PPP6R2: variants seen among roughly 807,000 people sequenced by gnomAD.
PPP6R2 encodes the protein protein phosphatase 6 regulatory subunit 2.
Under a neutral mutation model 100.2 loss-of-function variants are expected in PPP6R2, and 62 were observed. The ratio of observed to expected loss-of-function variants is 0.62; its 90% CI spans 0.50 to 0.76. The LOEUF (loss-of-function observed/expected upper bound fraction) is 0.76. Among genes scored for constraint, PPP6R2 ranks in the 30% least tolerant of loss-of-function variants. The probability of loss-of-function intolerance (pLI) is 0.00; values close to 1 mark genes in which losing one functional copy is unlikely to be tolerated. For synonymous variants in PPP6R2, 525 were observed against 514.7 expected (o/e 1.02, Z -0.27); for missense variants, 1,142 against 1,276.3 (o/e 0.89, Z 1.60).
intron 2 of PPP6R2, among the ~76,000 whole-genome samples, chr22:50,391,042 T>A (rs1012345870): frequency 2.0e-5 from 3 of 150,678 alleles, no homozygotes; most frequent in Non-Finnish European, 4.4e-5. Context: ...ATGCAGTGGC[T>A]CACATCTGTA....
chr22:50,432,162 CAG>C (rs2063277375), intron 11 of PPP6R2, 101 bp from the exon 12 acceptor site: 1 of 1,074,426 alleles, frequency 9.3e-7, no homozygotes, highest in Admixed American at 2.1e-5. Flanking sequence ...AAAGTCCACA[CAG>C]ACGTGGCCGC....
In PPP6R2 at chr22:50,433,173, C is replaced by T. The variant is rs7287627; in HGVS notation, c.1400+844C>T. On this transcript the variant is annotated intron_variant, in intron 12 of 23. Coordinates refer to ENST00000612753, the MANE Select transcript of PPP6R2 (RefSeq NM_001242898.2). ...GTGTCCTGGAGGAGGGCAGGGGGCG[C>T]GGACACTGGGCAGGGGCCGGGCATT... Among the ~76,000 whole-genome samples the T allele has an allele frequency of 7.3e-3, 1,078 of 148,656 alleles. 12 individuals carry two copies. Among genetic ancestry groups the T allele is most frequent in the African/African-American group, 0.025 (1,009 of 40,296 alleles).
At chr22:50,396,310 C>G (rs1183868458) in intron 3 of PPP6R2, among the ~76,000 whole-genome samples, 1 of 151,098 alleles carries the variant, frequency 6.6e-6, no homozygotes, top group Non-Finnish European at 1.5e-5. Context: ...GCCTGACCAA[C>G]ATGGTGAAAC....
At position 50,423,185 on chromosome 22, in the gene PPP6R2, G is replaced by A. The variant is rs1239391720; in HGVS notation, c.973-277G>A. Among the ~76,000 whole-genome samples, 6 of 152,288 alleles carry A rather than the reference G, an allele frequency of 3.9e-5. No individual in the cohort carries two copies. The highest frequency in any genetic ancestry group is 1.2e-4 in the African/African-American group (5 of 41,554). ...TGGCCCCATCTTGGACATCTCACCC[G>A]CTGAGGTGCACGGCTCTCTGGCCCT... On this transcript the variant is annotated intron_variant, in intron 9 of 23. Transcript: ENST00000612753. The surrounding 1 kb of genome is among the most constrained non-coding windows in gnomAD (Gnocchi z 4.8).
Position 50,425,918 on chromosome 22 carries a change from C to A in PPP6R2, c.1125+2304C>A, listed in dbSNP as rs376589085. ...TAGTTTTAGAAGTTCTATATATATT[C>A]TGGATATTAATCCTTTATCAGATAT... is the stretch of plus-strand genomic sequence containing the variant. On this transcript the variant is annotated intron_variant, in intron 10 of 23. Transcript: ENST00000612753. 9.3e-5 allele frequency among the ~76,000 whole-genome samples: 13 copies of A among 140,080 alleles called. No homozygotes were observed. The Admixed American group carries it at 9.4e-4, about 10-fold the overall frequency. 91.9% of individuals were successfully genotyped at this position (140,080 alleles called of 152,430 possible).
At chr22:50,426,783 A>G (rs1258580655) in intron 10 of PPP6R2, among the ~76,000 whole-genome samples, 5 of 148,976 alleles carry the variant, frequency 3.4e-5, no homozygotes, top group African/African-American at 1.2e-4. Context: ...GCAGTGAGCC[A>G]AGATCACACC....
At chr22:50,389,866 G>A (rs551587868) in intron 2 of PPP6R2, among the ~76,000 whole-genome samples, 1 of 152,274 alleles carries the variant, frequency 6.6e-6, no homozygotes, top group South Asian at 2.1e-4. Context: ...TGGGATTACA[G>A]GCATGAGCCA....
upstream of PPP6R2, among the ~76,000 whole-genome samples, chr22:50,339,673 TG>T (rs1459936925): frequency 2.4e-5 from 3 of 127,206 alleles, no homozygotes. Context: ...GTTTCGAGTG[TG>T]TGTTGTGTGT....
intron 1 of PPP6R2, among the ~76,000 whole-genome samples, chr22:50,358,019 G>A (rs111945246): frequency 0.18 from 26,949 of 151,624 alleles, 2,812 homozygotes; most frequent in South Asian, 0.34. Context: ...TGGCGTGATC[G>A]TGGCTCACTG....
chr22:50,430,024 C>T (rs1183972874), intron 10 of PPP6R2, among the ~76,000 whole-genome samples: 6 of 152,362 alleles, frequency 3.9e-5, no homozygotes, highest in Admixed American at 2.0e-4. Context: ...TTCCCCTCTC[C>T]ATACAGTCCT....
At chr22:50,338,410 ATG>A (rs748276353), upstream of PPP6R2, among the ~76,000 whole-genome samples, 8 of 77,800 alleles carry the variant, frequency 1.0e-4, no homozygotes, top group Admixed American at 8.6e-4. Context: ...TGTGTGTGGT[ATG>A]TGTGTGTAGG....
chr22:50,353,629 C>T (rs1035540289), intron 1 of PPP6R2, among the ~76,000 whole-genome samples: 2 of 152,114 alleles, frequency 1.3e-5, no homozygotes, highest in African/African-American at 2.4e-5. Context: ...ACGTGCTTGA[C>T]GCAAGGTTGC....
chr22:50,443,956 G>C lies in PPP6R2; in HGVS notation c.2670G>C (p.Glu890Asp). The change falls in exon 23 of 24, where the codon GAG (glutamate) becomes GAC (aspartate). Residue 890 changes from glutamate to aspartate, a missense_variant. Physicochemically the swap from Glu to Asp is conservative, Grantham distance 45. Around this residue, in one of 2 missense-constraint regions of PPP6R2, gnomAD observed 550 missense variants for 517.4 expected, o/e 1.06. Transcript: ENST00000612753. The stretch of plus-strand genomic sequence containing the variant: ...CCCCAGCCGTGGCTGTGCCCCCCGA[G>C]GCTACTGTGGCCATCACCACAGCAC... ...TAAPAVAVPP[E>D]ATVAITTALS... 1 of 1,611,588 alleles carries C rather than the reference G, an allele frequency of 6.2e-7. No individual in the cohort carries two copies. Among genetic ancestry groups the C allele is most frequent in the Non-Finnish European group, 8.5e-7 (1 of 1,179,410 alleles).
At chr22:50,386,433 G>T (rs1023204296) in intron 2 of PPP6R2, among the ~76,000 whole-genome samples, 1 of 152,110 alleles carries the variant, frequency 6.6e-6, no homozygotes. Flanking sequence ...GAGCCACTAC[G>T]CCCGGCCTTA....
In PPP6R2 at chr22:50,444,417, T is replaced by A; in HGVS notation, c.*170T>A. On this transcript the variant is annotated 3_prime_UTR_variant, in exon 24 of 24. Transcript: ENST00000612753. ...GTTGGACGGCCCAGCTTGCGTCTCT[T>A]CTGCCTGAGTGGGCCTCTCAGGTCA... 14 of 875,396 alleles carry A rather than the reference T, an allele frequency of 1.6e-5. No homozygotes were observed. The highest frequency in any genetic ancestry group is 2.4e-5 in the Non-Finnish European group (14 of 579,626). 54.2% of individuals were successfully genotyped at this position (875,396 alleles called of 1,614,324 possible).
intron 3 of PPP6R2, among the ~76,000 whole-genome samples, chr22:50,398,283 T>G (rs1027181423): frequency 6.6e-6 from 1 of 151,470 alleles, no homozygotes; most frequent in Admixed American, 6.6e-5. Context: ...GTGATTCTCC[T>G]GCCTCAGGCT....
the PPP6R2 span, among the ~76,000 whole-genome samples, chr22:50,336,431 C>G: frequency 6.6e-6 from 1 of 151,684 alleles, no homozygotes; most frequent in African/African-American, 2.4e-5. Context: ...GGCTGGAGTG[C>G]GAAGGCGCGA....
chr22:50,420,740 G>C (rs1415966760), intron 8 of PPP6R2, among the ~76,000 whole-genome samples: 2 of 152,178 alleles, frequency 1.3e-5, no homozygotes, highest in Admixed American at 1.3e-4. Flanking sequence ...GTGCCCAGGA[G>C]ATCCTATAGG....
At chr22:50,359,001 C>T (rs868774258) in intron 1 of PPP6R2, among the ~76,000 whole-genome samples, 1,670 of 107,074 alleles carry the variant, frequency 0.016, 99 homozygotes, top group African/African-American at 0.045. Context: ...CCCCCCCCCC[C>T]CCCCCAACTC....
Sources: allele counts gnomAD v4.1 joint callset (sites outside exome capture counted in the v4.1 genomes callset), GRCh38; gene constraint gnomAD v4.1.1; regional missense constraint gnomAD v4.1.1; non-coding constraint Gnocchi (gnomAD v3.1); transcripts MANE v1.5; gene names NCBI Gene and HGNC (gene_info 2026-07-23, HGNC 2026-07-21).